UBE2N: variants seen among roughly 807,000 people sequenced by gnomAD.
UBE2N encodes ubiquitin-conjugating enzyme E2 N.
For missense variants in UBE2N, 60 were observed against 192.1 expected (o/e 0.31, Z 4.07); for synonymous variants, 70 against 69.2 (o/e 1.01, Z -0.06).
intron 1 of UBE2N, among the ~76,000 whole-genome samples, chr12:93,426,656 A>G (rs1285049518): frequency 1.3e-5 from 2 of 152,192 alleles, no homozygotes; most frequent in Non-Finnish European, 2.9e-5. Flanking sequence ...GGGCTGGGCC[A>G]GGCCAGGCAG....
intron 1 of UBE2N, among the ~76,000 whole-genome samples, chr12:93,411,915 C>T (rs1878043223): frequency 6.6e-6 from 1 of 152,082 alleles, no homozygotes; most frequent in South Asian, 2.1e-4. Context: ...TGGTCTTGAA[C>T]TCCTGGCCTC....
At chr12:93,433,116 G>C (rs1016935849) in intron 1 of UBE2N, among the ~76,000 whole-genome samples, 2 of 151,882 alleles carry the variant, frequency 1.3e-5, no homozygotes, top group Non-Finnish European at 2.9e-5. Flanking sequence ...TGTATTTTTA[G>C]TAGAGACGGG....
intron 1 of UBE2N, among the ~76,000 whole-genome samples, chr12:93,430,722 G>A (rs145928971): frequency 6.6e-6 from 1 of 150,800 alleles, no homozygotes; most frequent in Non-Finnish European, 1.5e-5. Context: ...AAACCAGCCT[G>A]AGCAACATAG....
intron 1 of UBE2N, among the ~76,000 whole-genome samples, chr12:93,419,012 A>G (rs768892238): frequency 3.9e-4 from 60 of 152,218 alleles, no homozygotes; most frequent in Non-Finnish European, 3.5e-4. Context: ...CTGCCTGGTC[A>G]TTATGAATAA....
intron 3 of UBE2N, 39 bp downstream of exon 3, chr12:93,410,695 A>G (rs774368857): frequency 6.8e-6 from 11 of 1,608,534 alleles, no homozygotes; most frequent in Non-Finnish European, 8.5e-6. Context: ...CAAATTTGTA[A>G]AAGTGGAAGT....
chr12:93,421,502 C>T (rs1377589519), intron 1 of UBE2N, among the ~76,000 whole-genome samples: 1 of 152,164 alleles, frequency 6.6e-6, no homozygotes, highest in African/African-American at 2.4e-5. Context: ...CAATTAACTA[C>T]ATAAGCAGTA....
In UBE2N at chr12:93,407,557, G is replaced by A. The variant is rs1877886095; in HGVS notation, c.*2482C>T. On this transcript the variant is annotated 3_prime_UTR_variant, in exon 4 of 4. Coordinates refer to ENST00000318066, the MANE Select transcript of UBE2N (RefSeq NM_003348.4). The stretch of plus-strand genomic sequence containing the variant: ...GTGAGAAGACAATGACATGCTCTTA[G>A]GGTGTCTGCTACTCAGATCCTCTCA... 1 of 152,230 alleles carries A rather than the reference G, an allele frequency of 6.6e-6. No homozygotes were observed. The highest frequency in any genetic ancestry group is 2.1e-4 in the South Asian group (1 of 4,830). 9.4% of individuals were successfully genotyped at this position (152,230 alleles called of 1,614,324 possible).
At chr12:93,429,440 T>C (rs1305206132) in intron 1 of UBE2N, 1 of 287,186 alleles carries the variant, frequency 3.5e-6, no homozygotes, top group African/African-American at 2.3e-5. Flanking sequence ...TTTCAGTCAA[T>C]GATCAACTGC....
chr12:93,411,631 T>TA (rs35124423), intron 1 of UBE2N, among the ~76,000 whole-genome samples: 20,513 of 152,200 alleles, frequency 0.13, 1,689 homozygotes, highest in East Asian at 0.21. Flanking sequence ...CAACTTGCTC[T>TA]AAACTCAACC....
intron 1 of UBE2N, among the ~76,000 whole-genome samples, chr12:93,419,244 G>T (rs1878323822): frequency 6.6e-6 from 1 of 152,052 alleles, no homozygotes. Flanking sequence ...TATAAAATTA[G>T]CCAGGCCTCG....
chr12:93,437,687 A>G (rs976134003), intron 1 of UBE2N, among the ~76,000 whole-genome samples: 2 of 151,732 alleles, frequency 1.3e-5, no homozygotes, highest in East Asian at 3.9e-4. Flanking sequence ...TACTTAAGAG[A>G]CTGAGGCAGG....
In UBE2N at chr12:93,407,777, T is replaced by C. The variant is rs558669534; in HGVS notation, c.*2262A>G. 6.6e-6 allele frequency: 1 copy of C among 152,152 alleles called. No homozygotes were observed. The highest frequency in any genetic ancestry group is 2.4e-5 in the African/African-American group (1 of 41,414). 9.4% of individuals were successfully genotyped at this position (152,152 alleles called of 1,614,324 possible). ...GCCCAAAGGCCAGGTGAAGCTGCAG[T>C]TTTCAACTGCTGCCTTGGCCTCTCC... On this transcript the variant is annotated 3_prime_UTR_variant, in exon 4 of 4. Transcript: ENST00000318066.
intron 1 of UBE2N, among the ~76,000 whole-genome samples, chr12:93,431,704 A>G (rs1467437905): frequency 2.0e-5 from 3 of 152,208 alleles, no homozygotes; most frequent in African/African-American, 7.2e-5. Flanking sequence ...TCATAATTAG[A>G]AACACTTTGT....
intron 1 of UBE2N, among the ~76,000 whole-genome samples, chr12:93,428,437 C>T (rs1878656591): frequency 6.6e-6 from 1 of 152,130 alleles, no homozygotes; most frequent in African/African-American, 2.4e-5. Context: ...GCTCAAATAT[C>T]ATCCTCTAAA....
chr12:93,439,893 TG>T (rs958832466), intron 1 of UBE2N, among the ~76,000 whole-genome samples: 47 of 151,756 alleles, frequency 3.1e-4, no homozygotes, highest in African/African-American at 9.9e-4. Flanking sequence ...TATGAGTTAC[TG>T]TCTTAGTTTC....
At chr12:93,431,725 A>G (rs1412787484) in intron 1 of UBE2N, among the ~76,000 whole-genome samples, 2 of 152,226 alleles carry the variant, frequency 1.3e-5, no homozygotes, top group African/African-American at 4.8e-5. Context: ...TTGCCTAACA[A>G]TTCTTGATGC....
intron 1 of UBE2N, among the ~76,000 whole-genome samples, chr12:93,418,305 A>G (rs903818465): frequency 1.3e-5 from 2 of 152,136 alleles, no homozygotes; most frequent in East Asian, 1.9e-4. Context: ...TCAAGGTTAC[A>G]GTTAGCTGTG....
intron 1 of UBE2N, among the ~76,000 whole-genome samples, chr12:93,428,167 G>A (rs570096307): frequency 5.3e-5 from 8 of 152,182 alleles, no homozygotes; most frequent in Admixed American, 2.0e-4. Context: ...CAATCTACTT[G>A]CTTCAGCCTC....
chr12:93,433,904 AAAG>A (rs759516319), intron 1 of UBE2N, among the ~76,000 whole-genome samples: 9 of 152,190 alleles, frequency 5.9e-5, no homozygotes, highest in South Asian at 2.1e-4. Flanking sequence ...TATAGGGAAA[AAAG>A]AAGAAGAACC....
Sources: allele counts gnomAD v4.1 joint callset (sites outside exome capture counted in the v4.1 genomes callset), GRCh38; gene constraint gnomAD v4.1.1; transcripts MANE v1.5; gene names NCBI Gene and HGNC (gene_info 2026-07-23, HGNC 2026-07-21).